NFATC2: variants seen among roughly 807,000 people sequenced by gnomAD.
NFATC2 encodes the protein nuclear factor of activated T-cells, cytoplasmic 2.
In NFATC2, 22 loss-of-function variants were observed where a neutral mutation model predicts 87.3. That is an observed-to-expected ratio of 0.25 (90% CI 0.18 to 0.36). The LOEUF is 0.36. Among genes scored for constraint, NFATC2 ranks in the 10% least tolerant of loss-of-function variants. The pLI, the probability that NFATC2 is intolerant of heterozygous loss-of-function variation, is 1.00. For missense variants in NFATC2, 1,149 were observed against 1,259.1 expected (o/e 0.91, Z 1.32); for synonymous variants, 565 against 542.2 (o/e 1.04, Z -0.58).
At chr20:51,414,188 CAG>C (rs1491066253) in intron 9 of NFATC2, among the ~76,000 whole-genome samples, 9 of 57,978 alleles carry the variant, frequency 1.6e-4, no homozygotes, top group Non-Finnish European at 3.2e-4. Flanking sequence ...AAAGCCAGCC[CAG>C]GGGCAGTCAG....
At chr20:51,476,284 A>G (rs1272530527) in intron 3 of NFATC2, among the ~76,000 whole-genome samples, 3 of 134,376 alleles carry the variant, frequency 2.2e-5, no homozygotes, top group African/African-American at 8.5e-5. Flanking sequence ...GTGTCCATGT[A>G]GAACTGTCAC....
intron 3 of NFATC2, among the ~76,000 whole-genome samples, chr20:51,493,928 C>T (rs1271117388): frequency 6.6e-6 from 1 of 152,198 alleles, no homozygotes; most frequent in African/African-American, 2.4e-5. Flanking sequence ...AAGCTGGCCA[C>T]ACCTCTGAGC....
intron 5 of NFATC2, among the ~76,000 whole-genome samples, chr20:51,459,001 G>A (rs556490032): frequency 6.6e-6 from 1 of 152,194 alleles, no homozygotes; most frequent in East Asian, 1.9e-4. Context: ...CTGTGACCCT[G>A]GGCAAGTCAC....
At chr20:51,396,471 A>C (rs1987160222) in intron 10 of NFATC2, among the ~76,000 whole-genome samples, 1 of 152,148 alleles carries the variant, frequency 6.6e-6, no homozygotes, top group Non-Finnish European at 1.5e-5. Flanking sequence ...ATCCCCTGAG[A>C]AAGCAGCAAC....
upstream of NFATC2, chr20:51,542,749 C>CGGGGGGGGGGGGGGGGGGGGGGGGGG (rs1167272535): frequency 2.5e-4 from 1 of 3,962 alleles, no homozygotes; most frequent in Admixed American, 2.3e-3. Context: ...CCCGGGGAGG[C>CGGGGGGGGGGGGGGGGGGGGGGGGGG]GGGGGGGGGG....
chr20:51,398,971 G>T, intron 9 of NFATC2: 1 of 446,458 alleles, frequency 2.2e-6, no homozygotes. Flanking sequence ...GTGGGGTGTG[G>T]GATCAGGGGA....
Position 51,526,911 on chromosome 20 carries a change from G to T in NFATC2, c.131-2801C>A, listed in dbSNP as rs187184116. ...GCCAAAGGGGAGTGTGGTGATTTTTGTTTTGTTTTTGAGGTCTTACTCAGC... is the reference window on the plus strand; with the variant it reads ...GCCAAAGGGGAGTGTGGTGATTTTTTTTTTGTTTTTGAGGTCTTACTCAGC... On this transcript the variant is annotated intron_variant, in intron 1 of 10. Coordinates refer to ENST00000371564, the MANE Select transcript of NFATC2 (RefSeq NM_012340.5). Among the ~76,000 whole-genome samples, 9 of 152,126 alleles carry T rather than the reference G, an allele frequency of 5.9e-5. No homozygotes were observed. The East Asian group carries it at 1.2e-3, about 20-fold the overall frequency.
intron 2 of NFATC2, among the ~76,000 whole-genome samples, chr20:51,522,368 G>A (rs1304965515): frequency 6.6e-6 from 1 of 152,204 alleles, no homozygotes; most frequent in East Asian, 1.9e-4. Flanking sequence ...CAATGAGAAA[G>A]AGGGTGCTGA....
intron 5 of NFATC2, among the ~76,000 whole-genome samples, chr20:51,473,214 T>A (rs1988398726): frequency 6.6e-6 from 1 of 152,122 alleles, no homozygotes; most frequent in African/African-American, 2.4e-5. Context: ...GGTGTCCTTA[T>A]CCTCTCCAGA....
chr20:51,391,463 A>G lies in NFATC2; in HGVS notation c.*45-12T>C. The G allele has an allele frequency of 2.5e-6, 3 of 1,186,852 alleles. No individual in the cohort carries two copies. In the South Asian group the frequency reaches 3.6e-5, roughly 14 times the overall value. 73.5% of individuals were successfully genotyped at this position (1,186,852 alleles called of 1,614,324 possible). On this transcript the variant is annotated splice_polypyrimidine_tract_variant and intron_variant, in intron 10 of 10. Transcript: ENST00000371564. Reference sequence around the variant, plus strand: ...GATAATTTCATTAACTACAAAAGAAAAGAGGAGGGGGGGGGAGAGAGAATG... The same window carrying G: ...GATAATTTCATTAACTACAAAAGAAGAGAGGAGGGGGGGGGAGAGAGAATG...
upstream of NFATC2, among the ~76,000 whole-genome samples, chr20:51,546,020 T>C (rs914142016): frequency 6.6e-6 from 1 of 152,198 alleles, no homozygotes; most frequent in Non-Finnish European, 1.5e-5. Context: ...ACCCAAATGC[T>C]ATGGCAAGAA....
intron 3 of NFATC2, among the ~76,000 whole-genome samples, chr20:51,490,135 A>G (rs2075857622): frequency 6.6e-6 from 1 of 152,202 alleles, no homozygotes; most frequent in Non-Finnish European, 1.5e-5. Context: ...AATAACAACA[A>G]CAATGACAGC....
intron 5 of NFATC2, among the ~76,000 whole-genome samples, chr20:51,466,436 G>A (rs1987693879): frequency 6.6e-6 from 1 of 152,128 alleles, no homozygotes; most frequent in Admixed American, 6.6e-5. Context: ...GGAGAGTAAA[G>A]TGAGGGATAA....
intron 5 of NFATC2, among the ~76,000 whole-genome samples, chr20:51,456,086 G>A (rs1159719661): frequency 1.5e-5 from 2 of 136,124 alleles, no homozygotes; most frequent in Non-Finnish European, 3.2e-5. Flanking sequence ...ATGGGTGGAA[G>A]GGTGGGTGTG....
chr20:51,536,019 T>C (rs1007394013), intron 1 of NFATC2, among the ~76,000 whole-genome samples: 1 of 152,162 alleles, frequency 6.6e-6, no homozygotes, highest in South Asian at 2.1e-4. Flanking sequence ...AAGATTCAAG[T>C]GCAGGGCTTT....
At chr20:51,518,163 G>C (rs1476277478) in intron 2 of NFATC2, among the ~76,000 whole-genome samples, 1 of 152,180 alleles carries the variant, frequency 6.6e-6, no homozygotes, top group Non-Finnish European at 1.5e-5. Flanking sequence ...GCTTATGTTA[G>C]TTCTAGCATA....
At chr20:51,440,236 CAAAAAAAA>C (rs34071345) in intron 6 of NFATC2, among the ~76,000 whole-genome samples, 1 of 97,228 alleles carries the variant, frequency 1.0e-5, no homozygotes, top group Non-Finnish European at 1.9e-5. Flanking sequence ...AACTCCATCT[CAAAAAAAA>C]AAAAAAAAAA....
intron 3 of NFATC2, among the ~76,000 whole-genome samples, chr20:51,479,549 G>C (rs748632295): frequency 6.6e-6 from 1 of 152,218 alleles, no homozygotes; most frequent in Non-Finnish European, 1.5e-5. Context: ...GAGTCCAGGA[G>C]GTTGAGGCTA....
At chr20:51,477,593 G>C (rs1159400114) in intron 3 of NFATC2, among the ~76,000 whole-genome samples, 2 of 127,626 alleles carry the variant, frequency 1.6e-5, no homozygotes, top group East Asian at 4.7e-4. Context: ...AATAACAAGA[G>C]ACAAAAGGAC....
Sources: allele counts gnomAD v4.1 joint callset (sites outside exome capture counted in the v4.1 genomes callset), GRCh38; gene constraint gnomAD v4.1.1; transcripts MANE v1.5; gene names NCBI Gene and HGNC (gene_info 2026-07-23, HGNC 2026-07-21).